The following NT5DC1 variants were observed in gnomAD, a reference collection of about 807,000 sequenced individuals.
NT5DC1 encodes 5'-nucleotidase domain containing 1, also known as 5'-nucleotidase domain-containing protein 1.
A neutral mutation model predicts 59.4 loss-of-function variants in NT5DC1; 42 were observed. The ratio of observed to expected loss-of-function variants is 0.71; its 90% CI spans 0.55 to 0.92. NT5DC1 has a LOEUF of 0.92. NT5DC1 is among the 40% of genes least tolerant of loss of function. The pLI is 0.00. For missense variants in NT5DC1, 501 were observed against 537.1 expected (o/e 0.93, Z 0.66); for synonymous variants, 172 against 188.1 (o/e 0.91, Z 0.70).
chr6:116,117,886 A>G lies in NT5DC1; in HGVS notation c.470A>G (p.Asp157Gly), dbSNP rs1304268799. The G allele has an allele frequency of 4.4e-6, 7 of 1,578,484 alleles. No individual in the cohort carries two copies. The highest frequency in any genetic ancestry group is 6.1e-6 in the Non-Finnish European group (7 of 1,149,732). Residue 157 changes from aspartate (D) to glycine (G), a missense_variant, in exon 6 of 12, where the codon GAT becomes GGT. Physicochemically the swap from Asp to Gly is moderately conservative, Grantham distance 94. Coordinates refer to ENST00000319550, the MANE Select transcript of NT5DC1 (RefSeq NM_152729.3). ...CTGAACAATGGTCAAAAAACATTTG[A>G]TTTTTGGAAGGATATAGTTGCTGCT... ...TKLNNGQKTF[D>G]FWKDIVAAIQ...
intron 6 of NT5DC1, among the ~76,000 whole-genome samples, chr6:116,175,552 A>C (rs1210948377): frequency 6.6e-6 from 1 of 152,080 alleles, no homozygotes; most frequent in African/African-American, 2.4e-5. Flanking sequence ...AATTATGAGT[A>C]TGTTGGACCA....
intron 6 of NT5DC1, among the ~76,000 whole-genome samples, chr6:116,210,906 C>A (rs1008187089): frequency 6.6e-6 from 1 of 151,980 alleles, no homozygotes; most frequent in African/African-American, 2.4e-5. Context: ...TGTTTGGCAG[C>A]TAGTCTACAA....
chr6:116,237,529 C>G (rs556256042), intron 9 of NT5DC1: 1 of 457,196 alleles, frequency 2.2e-6, no homozygotes, highest in African/African-American at 2.0e-5. Flanking sequence ...TTGGCTGTCA[C>G]CATGCCACAG....
At chr6:116,172,528 G>A (rs1230199196) in intron 6 of NT5DC1, among the ~76,000 whole-genome samples, 3 of 151,824 alleles carry the variant, frequency 2.0e-5, no homozygotes, top group African/African-American at 7.3e-5. Context: ...CACCATGTTG[G>A]CCAGGATGGT....
chr6:116,130,791 A>G (rs1428135731), intron 6 of NT5DC1, among the ~76,000 whole-genome samples: 1 of 152,074 alleles, frequency 6.6e-6, no homozygotes, highest in African/African-American at 2.4e-5. Flanking sequence ...CCTAGTACTC[A>G]TGCCAGTAAT....
At chr6:116,185,673 A>G (rs947813143) in intron 6 of NT5DC1, among the ~76,000 whole-genome samples, 3 of 152,072 alleles carry the variant, frequency 2.0e-5, no homozygotes, top group African/African-American at 7.2e-5. Flanking sequence ...TGTCTGATGT[A>G]AGAATAGCTA....
At chr6:116,157,872 G>A (rs1033967878) in intron 6 of NT5DC1, among the ~76,000 whole-genome samples, 9 of 152,114 alleles carry the variant, frequency 5.9e-5, no homozygotes, top group Middle Eastern at 3.2e-3. Flanking sequence ...TGTATTGTAC[G>A]TCTTTTAGGC....
chr6:116,180,216 G>A (rs1014093150), intron 6 of NT5DC1, among the ~76,000 whole-genome samples: 1 of 151,980 alleles, frequency 6.6e-6, no homozygotes, highest in Non-Finnish European at 1.5e-5. Context: ...TCTTAAAAGT[G>A]TGTTGTGTCT....
intron 6 of NT5DC1, among the ~76,000 whole-genome samples, chr6:116,138,992 C>T (rs1183044588): frequency 6.6e-6 from 1 of 151,984 alleles, no homozygotes; most frequent in Non-Finnish European, 1.5e-5. Flanking sequence ...CAGAGTAGAA[C>T]TTTTTCAGAT....
intron 8 of NT5DC1, among the ~76,000 whole-genome samples, chr6:116,226,538 T>A (rs2114547231): frequency 6.6e-6 from 1 of 152,236 alleles, no homozygotes; most frequent in African/African-American, 2.4e-5. Context: ...TAAAAAACGA[T>A]TACTTTAGAA....
intron 1 of NT5DC1, among the ~76,000 whole-genome samples, chr6:116,103,748 T>G (rs1160427183): frequency 6.6e-6 from 1 of 152,126 alleles, no homozygotes; most frequent in African/African-American, 2.4e-5. Context: ...CCCCCTCACA[T>G]GAGGCCTCAG....
At chr6:116,157,839 C>G (rs1209196418) in intron 6 of NT5DC1, among the ~76,000 whole-genome samples, 3 of 152,170 alleles carry the variant, frequency 2.0e-5, no homozygotes, top group Non-Finnish European at 4.4e-5. Context: ...TATTCAGGAT[C>G]CTTCTGAAAG....
intron 6 of NT5DC1, among the ~76,000 whole-genome samples, chr6:116,201,812 A>G (rs1363327241): frequency 6.6e-6 from 1 of 151,994 alleles, no homozygotes; most frequent in East Asian, 1.9e-4. Flanking sequence ...AAGCCTTGGC[A>G]TGGTTTCATG....
At chr6:116,123,684 G>A (rs1779205741) in intron 6 of NT5DC1, among the ~76,000 whole-genome samples, 1 of 152,154 alleles carries the variant, frequency 6.6e-6, no homozygotes, top group Non-Finnish European at 1.5e-5. Flanking sequence ...TTGTTATGGT[G>A]CATTAATGTC....
At chr6:116,145,365 C>A (rs1779872582) in intron 6 of NT5DC1, 1 of 286,866 alleles carries the variant, frequency 3.5e-6, no homozygotes, top group Admixed American at 3.3e-5. Context: ...AAAAAATCAA[C>A]ATTAAATTGA....
chr6:116,130,644 G>A (rs1295496984), intron 6 of NT5DC1, among the ~76,000 whole-genome samples: 6 of 152,026 alleles, frequency 3.9e-5, no homozygotes, highest in South Asian at 4.1e-4. Flanking sequence ...GCTAAGAAAC[G>A]TATGCACAGG....
chr6:116,225,704 T>C (rs574154760), intron 8 of NT5DC1, among the ~76,000 whole-genome samples: 10 of 152,242 alleles, frequency 6.6e-5, no homozygotes, highest in Non-Finnish European at 1.2e-4. Context: ...AGGGTATATG[T>C]GCAGCTCTTT....
chr6:116,150,397 G>C (rs1467495881), intron 6 of NT5DC1, among the ~76,000 whole-genome samples: 1 of 152,034 alleles, frequency 6.6e-6, no homozygotes, highest in Admixed American at 6.6e-5. Context: ...CAATTCTCCT[G>C]CCTCAACCTC....
rs1458670223 is a variant in NT5DC1, at chr6:116,245,861, C to T, written c.*1837C>T. On this transcript the variant is annotated 3_prime_UTR_variant, in exon 12 of 12. Coordinates refer to ENST00000319550, the MANE Select transcript of NT5DC1 (RefSeq NM_152729.3). ...CAGTTGTCAGAAGTTCTAGTATTCC[C>T]TTTATCATTCCACCTAAAGACCCTG... 6.6e-6 allele frequency: 1 copy of T among 152,064 alleles called. No homozygotes were observed. Among genetic ancestry groups the T allele is most frequent in the Non-Finnish European group, 1.5e-5 (1 of 67,960 alleles). 9.4% of individuals were successfully genotyped at this position (152,064 alleles called of 1,614,324 possible).
Sources: allele counts gnomAD v4.1 joint callset (sites outside exome capture counted in the v4.1 genomes callset), GRCh38; gene constraint gnomAD v4.1.1; transcripts MANE v1.5; gene names NCBI Gene and HGNC (gene_info 2026-07-23, HGNC 2026-07-21).